The following ABHD5 variants were observed in gnomAD, a reference collection of about 807,000 sequenced individuals.
ABHD5 encodes 1-acylglycerol-3-phosphate O-acyltransferase ABHD5.
A neutral mutation model predicts 44.9 loss-of-function variants in ABHD5; 30 were observed. That is an observed-to-expected ratio of 0.67 (90% confidence interval 0.50 to 0.91). The LOEUF is 0.91. Among genes scored for constraint, ABHD5 ranks in the 40% least tolerant of loss-of-function variants. The pLI is 0.00. For synonymous variants in ABHD5, 167 were observed against 147.0 expected (o/e 1.14, Z -0.99); for missense variants, 399 against 423.4 (o/e 0.94, Z 0.50).
chr3:43,714,958 G>A lies in ABHD5; in HGVS notation c.673G>A (p.Val225Met), dbSNP rs1460515688. 15 of 1,612,412 alleles carry A rather than the reference G, an allele frequency of 9.3e-6. No homozygotes were observed. The highest frequency in any genetic ancestry group is 1.3e-5 in the Non-Finnish European group (15 of 1,178,920). ...TTCCTGTTAAATAGGTTTAAGTCTA[G>A]TGCAGCGTTTAAGGCCTGATTTCAA... ...RIAGPFGLSL[V>M]QRLRPDFKRK... Residue 225 changes from valine to methionine, a missense_variant, in exon 5 of 7, where the codon GTG (valine) becomes ATG (methionine). Physicochemically the swap from Val to Met is conservative, Grantham distance 21. Transcript: ENST00000644371.
chr3:43,706,274 A>C (rs746765830), intron 3 of ABHD5, among the ~76,000 whole-genome samples: 3 of 152,216 alleles, frequency 2.0e-5, no homozygotes, highest in African/African-American at 7.2e-5. Context: ...TTGATCCAGT[A>C]GCATTTTTAT....
In ABHD5 at chr3:43,714,985, C is replaced by T; in HGVS notation, c.700C>T (p.Arg234Ter). The change falls in exon 5 of 7, where the codon CGA becomes TGA. Residue 234 changes from arginine (R) to a stop codon, truncating the protein, a stop_gained. Coordinates refer to ENST00000644371, the MANE Select transcript of ABHD5 (RefSeq NM_016006.6). LOFTEE classifies it high-confidence loss of function. ...LVQRLRPDFK[R>*]KYSSMFEDDT... ...GCAGCGTTTAAGGCCTGATTTCAAA[C>T]GAAAGTATTCTTCAATGTTCGAAGA... The T allele has an allele frequency of 6.2e-7, 1 of 1,612,694 alleles. No homozygotes were observed. Among genetic ancestry groups the T allele is most frequent in the South Asian group, 1.1e-5 (1 of 91,040 alleles).
chr3:43,692,119 G>C (rs994976985), intron 1 of ABHD5, among the ~76,000 whole-genome samples: 1 of 152,092 alleles, frequency 6.6e-6, no homozygotes, highest in African/African-American at 2.4e-5. Context: ...ATTTTTTGAC[G>C]TCGGTTCTAC....
intron 7 of ABHD5, among the ~76,000 whole-genome samples, chr3:43,733,378 T>C (rs377538815): frequency 1.3e-5 from 2 of 152,266 alleles, no homozygotes; most frequent in African/African-American, 4.8e-5. Context: ...TGCTCTCATA[T>C]AATCAATCAC....
intron 7 of ABHD5, among the ~76,000 whole-genome samples, chr3:43,731,303 A>C (rs992005049): frequency 1.3e-5 from 2 of 152,246 alleles, no homozygotes; most frequent in Non-Finnish European, 2.9e-5. Context: ...AGACATAGAA[A>C]GTTTCAACAG....
At chr3:43,723,618 A>G (rs2084858388), downstream of ABHD5, among the ~76,000 whole-genome samples, 1 of 152,228 alleles carries the variant, frequency 6.6e-6, no homozygotes. Context: ...TTGAGCCTGA[A>G]TCTAATCAAG....
intron 3 of ABHD5, among the ~76,000 whole-genome samples, chr3:43,703,467 C>G (rs1326030350): frequency 6.6e-6 from 1 of 152,318 alleles, no homozygotes; most frequent in Middle Eastern, 3.4e-3. Context: ...ACCTGAGCCA[C>G]TGCACCCAGC....
intron 1 of ABHD5, among the ~76,000 whole-genome samples, chr3:43,691,936 T>A (rs901760679): frequency 1.3e-5 from 2 of 152,226 alleles, no homozygotes; most frequent in East Asian, 3.8e-4. Context: ...GAAACTTTTT[T>A]ATATACAGGT....
chr3:43,690,989 G>T lies in ABHD5; in HGVS notation c.-4G>T. The T allele has an allele frequency of 6.4e-7, 1 of 1,573,078 alleles. No individual in the cohort carries two copies. The highest frequency in any genetic ancestry group is 8.6e-7 in the Non-Finnish European group (1 of 1,162,808). ...TAAGTCCCGGCGCTTGCGCGGCGGC[G>T]GCTATGGCGGCGGAGGAGGAGGAGG... On this transcript the variant is annotated 5_prime_UTR_variant, in exon 1 of 7. Transcript: ENST00000644371.
At chr3:43,723,396 A>G (rs560025425), downstream of ABHD5, among the ~76,000 whole-genome samples, 4 of 152,334 alleles carry the variant, frequency 2.6e-5, no homozygotes, top group South Asian at 8.3e-4. Flanking sequence ...GCCACCTCTA[A>G]TGAAGGAACA....
intron 5 of ABHD5, among the ~76,000 whole-genome samples, chr3:43,715,431 G>A (rs2084752298): frequency 6.6e-6 from 1 of 152,134 alleles, no homozygotes; most frequent in African/African-American, 2.4e-5. Context: ...CCAAAATGTT[G>A]GGATTACAGG....
At chr3:43,691,389 C>T (rs867427999) in intron 1 of ABHD5, 31 of 191,018 alleles carry the variant, frequency 1.6e-4, no homozygotes, top group Middle Eastern at 1.8e-3. Context: ...TCGGGCTCTG[C>T]CAAGGGACCC....
intron 1 of ABHD5, among the ~76,000 whole-genome samples, chr3:43,698,123 A>G (rs944241644): frequency 3.3e-5 from 5 of 152,230 alleles, no homozygotes; most frequent in Non-Finnish European, 5.9e-5. Flanking sequence ...TCCAAAACTT[A>G]GCACATTTTC....
intron 7 of ABHD5, among the ~76,000 whole-genome samples, chr3:43,730,987 C>T (rs955332690): frequency 1.3e-5 from 2 of 152,076 alleles, no homozygotes; most frequent in Non-Finnish European, 1.5e-5. Flanking sequence ...TGCCAACACG[C>T]CTGGCTAATT....
chr3:43,694,949 T>C (rs980422584), intron 1 of ABHD5: 5 of 152,530 alleles, frequency 3.3e-5, no homozygotes, highest in African/African-American at 9.7e-5. Flanking sequence ...AGTGGCACAA[T>C]CATGGCTCAC....
chr3:43,702,158 C>G, intron 2 of ABHD5, 57 bp from the exon 3 acceptor site: 1 of 1,491,698 alleles, frequency 6.7e-7, no homozygotes, highest in Non-Finnish European at 9.1e-7. Context: ...TCTGAGAATA[C>G]TTCCCTTCTC....
downstream of ABHD5, among the ~76,000 whole-genome samples, chr3:43,724,913 T>A (rs1351256836): frequency 1.3e-5 from 2 of 152,220 alleles, no homozygotes; most frequent in African/African-American, 4.8e-5. Context: ...AAATGTTGGA[T>A]CCTTATATAT....
At chr3:43,714,222 C>T (rs1439030023) in intron 4 of ABHD5, among the ~76,000 whole-genome samples, 4 of 151,526 alleles carry the variant, frequency 2.6e-5, no homozygotes, top group African/African-American at 9.7e-5. Context: ...ACAACCTCCA[C>T]CTCCCAGGTT....
At chr3:43,704,033 CTTTTTTTTTTTTTTTT>C (rs10544525) in intron 3 of ABHD5, among the ~76,000 whole-genome samples, 4 of 84,862 alleles carry the variant, frequency 4.7e-5, no homozygotes, top group African/African-American at 1.5e-4. Context: ...TCTTTATTTT[CTTTTTTTTTTTTTTTT>C]TTTTTTGAGC....
Sources: gnomAD v4.1 joint callset for allele counts (sites outside exome capture counted in the v4.1 genomes callset) on GRCh38, gnomAD v4.1.1 for gene constraint, MANE v1.5 for transcripts, NCBI Gene and HGNC (gene_info 2026-07-23, HGNC 2026-07-21) for gene names.